Variants in PLXNA4 observed in about 807,000 individuals in gnomAD.
The protein encoded by PLXNA4 is plexin A4.
A neutral mutation model predicts 191.8 loss-of-function variants in PLXNA4; 44 were observed. The ratio of observed to expected loss-of-function variants is 0.23; its 90% CI spans 0.18 to 0.29. The LOEUF (loss-of-function observed/expected upper bound fraction) is 0.29, where lower values mean the gene tolerates loss of function less well. PLXNA4 is among the 10% of genes least tolerant of loss of function. PLXNA4 has a pLI of 1.00. For synonymous variants in PLXNA4, 1,082 were observed against 1,009.5 expected (o/e 1.07, Z -1.36); for missense variants, 1,800 against 2,488.8 (o/e 0.72, Z 5.89).
intron 29 of PLXNA4, among the ~76,000 whole-genome samples, chr7:132,141,760 T>A (rs1370139971): frequency 6.6e-6 from 1 of 152,176 alleles, no homozygotes; most frequent in African/African-American, 2.4e-5. Flanking sequence ...AATGGAGTTT[T>A]GCTCTGTCAC....
chr7:132,559,746 C>G (rs536227345), intron 1 of PLXNA4, among the ~76,000 whole-genome samples: 1 of 152,338 alleles, frequency 6.6e-6, no homozygotes, highest in East Asian at 1.9e-4. Context: ...ATGAAGACCA[C>G]TAAATTATAA....
chr7:132,131,037 G>T (rs138863067), intron 31 of PLXNA4, among the ~76,000 whole-genome samples: 1 of 152,140 alleles, frequency 6.6e-6, no homozygotes, highest in African/African-American at 2.4e-5. Context: ...AAATCCATCA[G>T]CTCCTTGAGG....
At chr7:132,162,666 C>A (rs919596699) in intron 24 of PLXNA4, among the ~76,000 whole-genome samples, 1 of 152,036 alleles carries the variant, frequency 6.6e-6, no homozygotes, top group Non-Finnish European at 1.5e-5. Context: ...CCATTTTAAT[C>A]GGAGCCTCTC....
chr7:132,513,354 A>G (rs757601677), intron 1 of PLXNA4, among the ~76,000 whole-genome samples: 2 of 152,198 alleles, frequency 1.3e-5, no homozygotes, highest in Non-Finnish European at 2.9e-5. Flanking sequence ...GTTCATGACA[A>G]CCCTGTTAGG....
In PLXNA4 at chr7:132,225,112, C is replaced by T. The variant is rs112533682; in HGVS notation, c.1982+1049G>A. ...TCCATCTATTCTGTATATTGGGCAT[C>T]CACACCTACTTTCAGTTTAAGATTT... On this transcript the variant is annotated intron_variant, in intron 8 of 31. Coordinates refer to ENST00000321063, the MANE Select transcript of PLXNA4 (RefSeq NM_020911.2). 8.7e-3 allele frequency among the ~76,000 whole-genome samples: 1,331 copies of T among 152,256 alleles called. 22 individuals carry two copies. Among genetic ancestry groups the T allele is most frequent in the African/African-American group, 0.031 (1,269 of 41,522 alleles).
At chr7:132,282,135 A>T (rs1800499863) in intron 4 of PLXNA4, among the ~76,000 whole-genome samples, 1 of 152,162 alleles carries the variant, frequency 6.6e-6, no homozygotes, top group Admixed American at 6.5e-5. Flanking sequence ...GTAAAACCAG[A>T]TTTCTTGTTT....
chr7:132,292,427 T>C (rs918043530), intron 4 of PLXNA4, among the ~76,000 whole-genome samples: 3 of 152,184 alleles, frequency 2.0e-5, no homozygotes, highest in Non-Finnish European at 4.4e-5. Context: ...ACACCCTAGA[T>C]AGAGCTTGCC....
chr7:132,140,241 C>T (rs1294628856), intron 30 of PLXNA4, among the ~76,000 whole-genome samples: 1 of 152,118 alleles, frequency 6.6e-6, no homozygotes, highest in Non-Finnish European at 1.5e-5. Context: ...TAGTTTGGCC[C>T]CTTGAAGTGT....
chr7:132,324,241 G>C (rs553205749), intron 3 of PLXNA4, among the ~76,000 whole-genome samples: 1 of 152,134 alleles, frequency 6.6e-6, no homozygotes, highest in South Asian at 2.1e-4. Context: ...GAGGAAAAAA[G>C]AGAAAAATTT....
At chr7:132,532,945 G>A (rs1799680510) in intron 1 of PLXNA4, among the ~76,000 whole-genome samples, 1 of 152,200 alleles carries the variant, frequency 6.6e-6, no homozygotes, top group Admixed American at 6.5e-5. Flanking sequence ...ATAAAACAGA[G>A]ATGACAGTAG....
At chr7:132,514,298 G>A (rs182608765) in intron 1 of PLXNA4, among the ~76,000 whole-genome samples, 12 of 152,038 alleles carry the variant, frequency 7.9e-5, no homozygotes, top group African/African-American at 2.7e-4. Flanking sequence ...TGATCCGCCC[G>A]CCTCGGCCTC....
rs542462342 is a variant in PLXNA4, at chr7:132,521,168, T to C, written c.-86-12389A>G. Among the ~76,000 whole-genome samples, 12 of 143,930 alleles carry C rather than the reference T, an allele frequency of 8.3e-5. 1 individual carries two copies. In the South Asian group the frequency reaches 2.7e-3, roughly 32 times the overall value. The allele number at this position is 143,930 out of a possible 152,430, so 94.4% of individuals were successfully genotyped here. ...CAGCCGGAAGCTGAACGGAGATATA[T>C]TTGCTCCTTGAAAAAAAAAAAAAAA... is the stretch of plus-strand genomic sequence containing the variant. On this transcript the variant is annotated intron_variant, in intron 1 of 31. Coordinates refer to ENST00000321063, the MANE Select transcript of PLXNA4 (RefSeq NM_020911.2).
chr7:132,441,752 T>C (rs1795708420), intron 3 of PLXNA4, among the ~76,000 whole-genome samples: 1 of 152,258 alleles, frequency 6.6e-6, no homozygotes, highest in South Asian at 2.1e-4. Flanking sequence ...TTCAGTCAAA[T>C]AATAATCCTA....
At chr7:132,257,912 C>A (rs1433554392) in intron 4 of PLXNA4, among the ~76,000 whole-genome samples, 1 of 152,232 alleles carries the variant, frequency 6.6e-6, no homozygotes, top group African/African-American at 2.4e-5. Context: ...TCACCCTGGT[C>A]CAGCCAAGGG....
intron 3 of PLXNA4, among the ~76,000 whole-genome samples, chr7:132,392,228 G>A (rs1246437233): frequency 1.3e-5 from 2 of 152,154 alleles, no homozygotes; most frequent in African/African-American, 4.8e-5. Context: ...GTTCCTGGAG[G>A]GCAGCATCTA....
intron 3 of PLXNA4, among the ~76,000 whole-genome samples, chr7:132,483,589 C>T (rs58802459): frequency 0.039 from 5,986 of 152,254 alleles, 185 homozygotes; most frequent in African/African-American, 0.077. Context: ...TGACTGAATG[C>T]GCTCTATGAT....
rs546852074 is a variant in PLXNA4, at chr7:132,164,131, G to A, written c.4500+11C>T. 8.7e-6 allele frequency: 14 copies of A among 1,613,406 alleles called. No individual in the cohort carries two copies. The highest frequency in any genetic ancestry group is 1.2e-5 in the Non-Finnish European group (14 of 1,180,018). On this transcript the variant is annotated intron_variant, in intron 24 of 31. Coordinates refer to ENST00000321063, the MANE Select transcript of PLXNA4 (RefSeq NM_020911.2). ...GTCAAAGCCCCAGGGGAAACAGATGGGTGGGCTCACCAGGGTTTTGTAGTC... is the reference window on the plus strand; with the variant it reads ...GTCAAAGCCCCAGGGGAAACAGATGAGTGGGCTCACCAGGGTTTTGTAGTC...
intron 4 of PLXNA4, among the ~76,000 whole-genome samples, chr7:132,295,706 T>C (rs1444361531): frequency 6.6e-6 from 1 of 152,088 alleles, no homozygotes; most frequent in Non-Finnish European, 1.5e-5. Context: ...GCTGCTGTGC[T>C]CCAACCCAGA....
rs1795503160 is a variant in PLXNA4 at position 132,148,608 on chromosome 7, C to A, written c.4699G>T (p.Asp1567Tyr). ...QGSGARMILQ[D>Y]EDITTKIEND... is the part of the protein sequence containing the mutation. ...TCAATCTTGGTGGTGATGTCTTCAT[C>A]CTGCAAGATCATCCTTGCCCCACTT... is the stretch of plus-strand genomic sequence containing the variant. Residue 1567 changes from aspartate (D) to tyrosine (Y), a missense_variant, in exon 26 of 32, where the codon GAT becomes TAT. By Grantham distance (160) the Asp-to-Tyr change is radical. Around this residue, in one of 6 missense-constraint regions of PLXNA4, gnomAD observed 214 missense variants for 298.2 expected, o/e 0.72. Transcript: ENST00000321063. The A allele has an allele frequency of 6.2e-7, 1 of 1,614,058 alleles. No individual in the cohort carries two copies.
Sources: gnomAD v4.1 joint callset for allele counts (sites outside exome capture counted in the v4.1 genomes callset) on GRCh38, gnomAD v4.1.1 for gene constraint, gnomAD v4.1.1 regional missense constraint, MANE v1.5 for transcripts, NCBI Gene and HGNC (gene_info 2026-07-23, HGNC 2026-07-21) for gene names.